Variants in KDM6A observed in about 807,000 individuals in gnomAD.
KDM6A encodes the protein lysine demethylase 6A, also known as lysine-specific demethylase 6A.
KDM6A carries 11 observed loss-of-function variants against 117.6 expected under a neutral mutation model. The ratio of observed to expected loss-of-function variants is 0.09; its 90% CI spans 0.06 to 0.15. The LOEUF (loss-of-function observed/expected upper bound fraction) is 0.15. Among genes scored for constraint, KDM6A ranks in the 10% least tolerant of loss-of-function variants. The probability of loss-of-function intolerance (pLI) is 1.00; values close to 1 mark genes in which losing one functional copy is unlikely to be tolerated. For synonymous variants in KDM6A, 384 were observed against 396.1 expected, an observed-to-expected ratio of 0.97 and a Z score of 0.36; for missense variants, 799 against 1,077.3, an observed-to-expected ratio of 0.74 and a Z score of 3.62.
intron 2 of KDM6A, among the ~76,000 whole-genome samples, chrX:44,915,590 A>G (rs1269932511): frequency 1.8e-5 from 2 of 112,163 alleles, no homozygotes; most frequent in African/African-American, 6.5e-5. Context: ...CAGTCAGAAA[A>G]TATTAAATGG....
At chrX:44,983,666 T>C (rs1200987270) in intron 4 of KDM6A, among the ~76,000 whole-genome samples, 10 of 107,803 alleles carry the variant, frequency 9.3e-5, no homozygotes, top group Non-Finnish European at 1.9e-4. Flanking sequence ...ATGTGGTGTT[T>C]GGTTTTTTGT....
chrX:44,891,420 T>A (rs1268933088), intron 2 of KDM6A, among the ~76,000 whole-genome samples: 1 of 111,755 alleles, frequency 8.9e-6, no homozygotes, highest in Admixed American at 9.6e-5. Context: ...TGAATCTTTG[T>A]TAAAAAATAG....
chrX:44,876,920 C>T (rs1569322752), intron 2 of KDM6A, among the ~76,000 whole-genome samples: 2 of 111,082 alleles, frequency 1.8e-5, no homozygotes, highest in East Asian at 2.8e-4. Context: ...CGTATACACA[C>T]ATATACATAT....
At chrX:44,873,775 A>G in intron 1 of KDM6A, 63 bp downstream of exon 1, 1 of 1,151,843 alleles carries the variant, frequency 8.7e-7, no homozygotes, top group African/African-American at 1.8e-5. Flanking sequence ...TCCCGGGAGG[A>G]CCGAGCGCGG....
At chrX:44,895,078 A>T (rs1302073477) in intron 2 of KDM6A, among the ~76,000 whole-genome samples, 15 of 50,959 alleles carry the variant, frequency 2.9e-4, no homozygotes, top group East Asian at 1.5e-3. Context: ...CTTTTATTTT[A>T]TTTATTTATT....
chrX:45,096,753 A>G (rs1249820852), intron 27 of KDM6A, among the ~76,000 whole-genome samples: 5 of 111,808 alleles, frequency 4.5e-5, no homozygotes, highest in African/African-American at 1.6e-4. Flanking sequence ...ACAGTTACAC[A>G]CTGTTGGCGG....
chrX:44,886,241 G>A (rs922187460), intron 2 of KDM6A, among the ~76,000 whole-genome samples: 5 of 109,000 alleles, frequency 4.6e-5, no homozygotes, highest in Admixed American at 9.9e-5. Context: ...TAGTAGAGAC[G>A]GTTTCACTGT....
intron 26 of KDM6A, 73 bp from the exon 27 acceptor site, chrX:45,090,650 A>G (rs977637294): frequency 3.8e-6 from 4 of 1,049,448 alleles, no homozygotes; most frequent in Non-Finnish European, 5.3e-6. Context: ...ATATCACCTG[A>G]GCAGGTGATA....
intron 2 of KDM6A, among the ~76,000 whole-genome samples, chrX:44,918,670 T>A (rs1337706541): frequency 2.7e-5 from 3 of 112,100 alleles, no homozygotes; most frequent in Admixed American, 1.9e-4. Context: ...TTGATTCTAT[T>A]AGTATAACAA....
intron 4 of KDM6A, among the ~76,000 whole-genome samples, chrX:44,983,030 A>T (rs984844398): frequency 8.9e-6 from 1 of 112,050 alleles, no homozygotes; most frequent in Non-Finnish European, 1.9e-5. Context: ...CTTAACCTGA[A>T]TTTTTTTTAA....
At chrX:45,045,669 A>G (rs751312725) in intron 8 of KDM6A, among the ~76,000 whole-genome samples, 8 of 110,661 alleles carry the variant, frequency 7.2e-5, no homozygotes, top group Non-Finnish European at 1.1e-4. Context: ...CATAATGTCT[A>G]TATGGTTTAG....
chrX:45,083,689 T>C, intron 24 of KDM6A, 81 bp downstream of exon 24: 1 of 883,741 alleles, frequency 1.1e-6, no homozygotes, highest in Non-Finnish European at 1.6e-6. Flanking sequence ...GCCAGAATCT[T>C]GTCATTTATA....
At chrX:45,107,882 G>A (rs1351034865) in intron 28 of KDM6A, among the ~76,000 whole-genome samples, 1 of 111,662 alleles carries the variant, frequency 9.0e-6, no homozygotes, top group Non-Finnish European at 1.9e-5. Context: ...TAGGCAGATC[G>A]ATTATCAGTC....
intron 8 of KDM6A, among the ~76,000 whole-genome samples, chrX:45,046,213 C>T (rs2043530881): frequency 9.0e-6 from 1 of 111,590 alleles, no homozygotes; most frequent in African/African-American, 3.3e-5. Flanking sequence ...ATTATTATCA[C>T]CATAGATTCT....
At chrX:44,965,676 G>GT in intron 3 of KDM6A, among the ~76,000 whole-genome samples, 1 of 111,788 alleles carries the variant, frequency 8.9e-6, no homozygotes, top group Admixed American at 9.5e-5. Context: ...AATTACAGTA[G>GT]TAACACCAAA....
intron 27 of KDM6A, among the ~76,000 whole-genome samples, chrX:45,098,820 C>G (rs1841412441): frequency 9.0e-6 from 1 of 111,687 alleles, no homozygotes; most frequent in African/African-American, 3.3e-5. Flanking sequence ...GGGTACTGAT[C>G]TCCTTTAATT....
intron 3 of KDM6A, among the ~76,000 whole-genome samples, chrX:44,961,993 C>T (rs2038693556): frequency 9.0e-6 from 1 of 111,601 alleles, no homozygotes; most frequent in Non-Finnish European, 1.9e-5. Flanking sequence ...AAGTTAAAAG[C>T]ACCCGGAAAC....
intron 2 of KDM6A, among the ~76,000 whole-genome samples, chrX:44,899,603 G>A (rs1409611485): frequency 9.1e-6 from 1 of 110,023 alleles, no homozygotes; most frequent in Non-Finnish European, 1.9e-5. Context: ...ATCCTGTCTT[G>A]GAAATATGGG....
chrX:45,041,687 A>G (rs1159875327), intron 8 of KDM6A, among the ~76,000 whole-genome samples: 1 of 107,188 alleles, frequency 9.3e-6, no homozygotes, highest in Admixed American at 9.6e-5. Context: ...CACTTCCTAG[A>G]TGGGATGGCG....
Sources: gnomAD v4.1 joint callset for allele counts (sites outside exome capture counted in the v4.1 genomes callset) on GRCh38, gnomAD v4.1.1 for gene constraint, MANE v1.5 for transcripts, NCBI Gene and HGNC (gene_info 2026-07-23, HGNC 2026-07-21) for gene names.